Variants in SERPINB5 observed in about 807,000 individuals in gnomAD.
The protein encoded by SERPINB5 is serpin B5.
Under a neutral mutation model 32.2 loss-of-function variants are expected in SERPINB5, and 27 were observed. That is an observed-to-expected ratio of 0.84 (90% CI 0.62 to 1.16). SERPINB5 has a LOEUF of 1.16. Among genes scored for constraint, SERPINB5 ranks in the 50% most tolerant of loss-of-function variants. The pLI is 0.00. For synonymous variants in SERPINB5, 154 were observed against 157.4 expected (o/e 0.98, Z 0.16); for missense variants, 388 against 436.3 (o/e 0.89, Z 0.99).
chr18:63,489,464 G>A lies in SERPINB5; in HGVS notation c.424G>A (p.Gly142Ser). The change falls in exon 4 of 7, where the codon GGC becomes AGC. Residue 142 changes from glycine to serine, a missense_variant and splice_region_variant. By Grantham distance (56) the Gly-to-Ser change is moderately conservative (BLOSUM62 0). Coordinates refer to ENST00000382771, the MANE Select transcript of SERPINB5 (RefSeq NM_002639.5). ...CAACTCAATTAAGGATCTCACAGAT[G>A]GCAAGTACCCTTTAATTGTTCTGCT... is the stretch of plus-strand genomic sequence containing the variant. ...INNSIKDLTD[G>S]HFENILADNS... The A allele has an allele frequency of 6.5e-7, 1 of 1,548,266 alleles. No homozygotes were observed. The highest frequency in any genetic ancestry group is 8.9e-7 in the Non-Finnish European group (1 of 1,122,600).
intron 6 of SERPINB5, 41 bp downstream of exon 6, chr18:63,499,328 CCTTGGCAAAGAGT>C: frequency 7.0e-7 from 1 of 1,432,840 alleles, no homozygotes; most frequent in Non-Finnish European, 9.2e-7. Context: ...GCACCCCCTG[CCTTGGCAAAGAGT>C]TGTGCCAACA....
At chr18:63,493,905 A>G (rs914602405) in intron 5 of SERPINB5, among the ~76,000 whole-genome samples, 1 of 152,072 alleles carries the variant, frequency 6.6e-6, no homozygotes, top group East Asian at 1.9e-4. Flanking sequence ...GCTTTCAGGC[A>G]CTTGTTGGCT....
At chr18:63,488,658 GAACCCAGGTAGTTCTGATTA>G (rs1381616075) in intron 3 of SERPINB5, among the ~76,000 whole-genome samples, 1 of 152,088 alleles carries the variant, frequency 6.6e-6, no homozygotes, top group Non-Finnish European at 1.5e-5. Context: ...AGTTCTGATT[GAACCCAGGTAGTTCTGATTA>G]AACCCAGGTA....
At chr18:63,493,923 A>C (rs1568110990) in intron 5 of SERPINB5, among the ~76,000 whole-genome samples, 1 of 152,144 alleles carries the variant, frequency 6.6e-6, no homozygotes, top group Non-Finnish European at 1.5e-5. Context: ...GCTGTGAAAA[A>C]ACAAAGTATG....
rs386387948 is a variant in SERPINB5, at chr18:63,498,749, G to GTATA, written c.568-361_568-358dup. Among the ~76,000 whole-genome samples, 642 of 149,960 alleles carry GTATA rather than the reference G, an allele frequency of 4.3e-3. 8 individuals are homozygous for GTATA. Among genetic ancestry groups the GTATA allele is most frequent in the African/African-American group, 0.014 (591 of 40,840 alleles). On this transcript the variant is annotated intron_variant, in intron 5 of 6. Coordinates refer to ENST00000382771, the MANE Select transcript of SERPINB5 (RefSeq NM_002639.5). The surrounding 1 kb of genome is among the most constrained non-coding windows in gnomAD (Gnocchi z 4.2). ...GACACTGTGTCAAGAGCAAATTTGT[G>GTATA]TATATATATATATGTACATATATAT...
chr18:63,489,216 A>G (rs2144499078), intron 3 of SERPINB5, 131 bp from the exon 4 acceptor site: 2 of 484,438 alleles, frequency 4.1e-6, no homozygotes, highest in East Asian at 3.3e-5. Context: ...TGAGGTTTCA[A>G]TTCATATAGT....
At chr18:63,490,617 A>C in intron 4 of SERPINB5, 1 of 152,184 alleles carries the variant, frequency 6.6e-6, no homozygotes, top group East Asian at 1.9e-4. Context: ...GCCCCCAGCT[A>C]CTCTGTCTCT....
intron 4 of SERPINB5, among the ~76,000 whole-genome samples, chr18:63,491,634 C>T (rs1040653283): frequency 6.6e-6 from 1 of 151,692 alleles, no homozygotes; most frequent in Non-Finnish European, 1.5e-5. Context: ...GCCACTACGC[C>T]CAGCTAATCT....
rs1026030083 is a variant in SERPINB5, at chr18:63,498,166, A to G, written c.568-954A>G. Among the ~76,000 whole-genome samples the G allele has an allele frequency of 6.6e-6, 1 of 152,126 alleles. No individual in the cohort carries two copies. The highest frequency in any genetic ancestry group is 1.5e-5 in the Non-Finnish European group (1 of 68,018). On this transcript the variant is annotated intron_variant, in intron 5 of 6. Transcript: ENST00000382771. This position sits in a 1 kb window ranked among gnomAD's most constrained non-coding sequence, Gnocchi z 4.2. ...GTGCAGTGGTATGATCTTGGCTCAC[A>G]CCAACTTCTGGCTCCCAGGCTCAAG...
At chr18:63,493,309 C>CTA (rs1366225580) in intron 5 of SERPINB5, 1 of 633,780 alleles carries the variant, frequency 1.6e-6, no homozygotes, top group East Asian at 2.7e-5. Flanking sequence ...CTTCAAGGAT[C>CTA]TGAGCTGAGT....
intron 1 of SERPINB5, among the ~76,000 whole-genome samples, chr18:63,478,992 T>C (rs1256884404): frequency 1.3e-5 from 2 of 152,116 alleles, no homozygotes; most frequent in African/African-American, 4.8e-5. Context: ...ACTCCTGACC[T>C]CAAGTGATCT....
chr18:63,499,244 T>C lies in SERPINB5; in HGVS notation c.692T>C (p.Leu231Pro), dbSNP rs1287993148. The C allele has an allele frequency of 2.5e-6, 4 of 1,599,282 alleles. No individual in the cohort carries two copies. The highest frequency in any genetic ancestry group is 3.4e-6 in the Non-Finnish European group (4 of 1,172,210). ...AATAAGCATCTCAGCATGTTCATCC[T>C]ACTACCCAAGGATGTGGAGGATGAG... The part of the protein sequence containing the change: ...FQNKHLSMFI[L>P]LPKDVEDEST... The change falls in exon 6 of 7, where the codon CTA becomes CCA. Residue 231 changes from leucine (L) to proline (P), a missense_variant. Leu to Pro is a moderately conservative substitution (Grantham distance 98). Coordinates refer to ENST00000382771, the MANE Select transcript of SERPINB5 (RefSeq NM_002639.5).
At chr18:63,479,514 CCTA>C (rs1568107144) in intron 1 of SERPINB5, among the ~76,000 whole-genome samples, 1 of 152,162 alleles carries the variant, frequency 6.6e-6, no homozygotes, top group Non-Finnish European at 1.5e-5. Context: ...AAGGCTAACT[CCTA>C]CTTATCCTGT....
chr18:63,493,017 T>A lies in SERPINB5; in HGVS notation c.489T>A (p.Asn163Lys). The A allele has an allele frequency of 6.2e-7, 1 of 1,614,246 alleles. No homozygotes were observed. The highest frequency in any genetic ancestry group is 8.5e-7 in the Non-Finnish European group (1 of 1,180,042). The change falls in exon 5 of 7, where the codon AAT becomes AAA. Residue 163 changes from asparagine (N) to lysine (K), a missense_variant. Transcript: ENST00000382771. Reference sequence around the variant, plus strand: ...ACCAGACCAAAATCCTTGTGGTTAATGCTGCCTACTTTGTTGGCAAGTGGA... The same window carrying A: ...ACCAGACCAAAATCCTTGTGGTTAAAGCTGCCTACTTTGTTGGCAAGTGGA... ...VNDQTKILVV[N>K]AAYFVGKWMK...
intron 5 of SERPINB5, among the ~76,000 whole-genome samples, chr18:63,495,291 T>C (rs980249685): frequency 2.0e-5 from 3 of 152,200 alleles, no homozygotes; most frequent in African/African-American, 7.2e-5. Context: ...CTTTTTGACC[T>C]TCTCAGTATT....
At chr18:63,502,193 T>C (rs1599395265) in intron 6 of SERPINB5, among the ~76,000 whole-genome samples, 1 of 151,112 alleles carries the variant, frequency 6.6e-6, no homozygotes, top group Non-Finnish European at 1.5e-5. Flanking sequence ...TGGAGTGCAG[T>C]GGCATGATCT....
intron 6 of SERPINB5, among the ~76,000 whole-genome samples, chr18:63,501,369 G>T (rs892018232): frequency 6.6e-6 from 1 of 152,164 alleles, no homozygotes. Flanking sequence ...CAAAGGACAC[G>T]AACTCATCAT....
intron 3 of SERPINB5, among the ~76,000 whole-genome samples, chr18:63,488,018 T>A (rs3786331): frequency 0.72 from 108,841 of 150,844 alleles, 39,706 homozygotes; most frequent in African/African-American, 0.85. Flanking sequence ...CTGAAGAATT[T>A]AAAAAAAAAA....
rs139394248 is a variant in SERPINB5, at chr18:63,485,088, A to G, written c.168+492A>G. Among the ~76,000 whole-genome samples the G allele has an allele frequency of 5.5e-3, 837 of 152,284 alleles. 4 individuals are homozygous for G. The highest frequency in any genetic ancestry group is 0.018 in the African/African-American group (765 of 41,554). On this transcript the variant is annotated intron_variant, in intron 2 of 6. Transcript: ENST00000382771. Reference sequence around the variant, plus strand: ...GCAACTCACATCTGGGACAGGCACCAGGCTGTGATGGAGAACCTGGAGATC... The same window carrying G: ...GCAACTCACATCTGGGACAGGCACCGGGCTGTGATGGAGAACCTGGAGATC...
Sources: allele counts gnomAD v4.1 joint callset (sites outside exome capture counted in the v4.1 genomes callset), GRCh38; gene constraint gnomAD v4.1.1; non-coding constraint Gnocchi (gnomAD v3.1); transcripts MANE v1.5; gene names NCBI Gene and HGNC (gene_info 2026-07-23, HGNC 2026-07-21).